PCDHA2: variants seen among roughly 807,000 people sequenced by gnomAD.
The protein encoded by PCDHA2 is protocadherin alpha 2.
Under a neutral mutation model 66.0 loss-of-function variants are expected in PCDHA2, and 58 were observed. The observed-to-expected ratio is 0.88, with a 90% CI of 0.71 to 1.09. The LOEUF (loss-of-function observed/expected upper bound fraction) is 1.09, where lower values mean the gene tolerates loss of function less well. Among genes scored for constraint, PCDHA2 ranks in the 50% least tolerant of loss-of-function variants. The probability of loss-of-function intolerance (pLI) is 0.00; values close to 1 mark genes in which losing one functional copy is unlikely to be tolerated. For synonymous variants in PCDHA2, 634 were observed against 554.0 expected (o/e 1.14, Z -2.03); for missense variants, 1,267 against 1,242.3 (o/e 1.02, Z -0.30).
chr5:140,805,687 A>G (rs1030164), intron 1 of PCDHA2: 393,383 of 736,282 alleles, frequency 0.53, 105,640 homozygotes, highest in African/African-American at 0.7. Context: ...TTCAAAGATC[A>G]TGATTACCAA....
chr5:140,843,387 C>A (rs2150358876), intron 1 of PCDHA2: 2 of 1,595,950 alleles, frequency 1.3e-6, no homozygotes, highest in East Asian at 4.5e-5. Context: ...GTTTTGGGTC[C>A]GGAAGCGGCG....
intron 1 of PCDHA2, among the ~76,000 whole-genome samples, chr5:140,954,160 A>G (rs1231258623): frequency 6.6e-6 from 1 of 152,188 alleles, no homozygotes; most frequent in Non-Finnish European, 1.5e-5. Flanking sequence ...TATATGTACC[A>G]CATTTTCTTT....
rs1422788962 is a variant in PCDHA2, at chr5:140,847,584, A to G, written c.2388+50232A>G. ...GCCCCGAGTACTAAGGATGAGCAAT[A>G]ATGAAATTAAAACATATTGTAATAA... On this transcript the variant is annotated intron_variant, in intron 1 of 3. Coordinates refer to ENST00000526136, the MANE Select transcript of PCDHA2 (RefSeq NM_018905.3). The G allele has an allele frequency of 1.1e-4, 16 of 149,668 alleles. No homozygotes were observed. In the Admixed American group the frequency reaches 1.1e-3, roughly 10 times the overall value. 9.3% of individuals were successfully genotyped at this position (149,668 alleles called of 1,614,324 possible).
intron 1 of PCDHA2, among the ~76,000 whole-genome samples, chr5:140,911,222 T>G (rs2075377398): frequency 6.6e-6 from 1 of 152,204 alleles, no homozygotes; most frequent in African/African-American, 2.4e-5. Flanking sequence ...ATGAGAAAGC[T>G]GTTTCTTCTG....
rs139450702 is a variant in PCDHA2 at position 140,830,109 on chromosome 5, G to A, written c.2388+32757G>A. The stretch of plus-strand genomic sequence containing the variant: ...GTTCTGGTGTCGCTGGTGGAGAGTG[G>A]CCAGGCTCCAAAGGCGTCATCACGG... On this transcript the variant is annotated intron_variant, in intron 1 of 3. Coordinates refer to ENST00000526136, the MANE Select transcript of PCDHA2 (RefSeq NM_018905.3). The A allele has an allele frequency of 4.0e-5, 65 of 1,613,456 alleles. No homozygotes were observed. The East Asian group carries it at 7.6e-4, about 19-fold the overall frequency.
chr5:140,842,398 A>T, intron 1 of PCDHA2: 1 of 1,611,514 alleles, frequency 6.2e-7, no homozygotes, highest in Admixed American at 1.7e-5. Flanking sequence ...CCTTGCCTGT[A>T]CGTGAAGACG....
intron 1 of PCDHA2, among the ~76,000 whole-genome samples, chr5:140,917,059 G>A (rs1174473146): frequency 6.6e-6 from 1 of 152,044 alleles, no homozygotes; most frequent in Non-Finnish European, 1.5e-5. Context: ...TCCCTGCTAC[G>A]ACAGCACCGA....
At chr5:140,829,915 G>A (rs2150177700) in intron 1 of PCDHA2, 2 of 1,613,890 alleles carry the variant, frequency 1.2e-6, no homozygotes, top group Non-Finnish European at 1.7e-6. Context: ...CGTGGCTTTC[G>A]TATGAGCTGC....
chr5:140,846,663 C>T lies in PCDHA2; in HGVS notation c.2388+49311C>T, dbSNP rs182609194. ...TGCTGGGATTACAGGCATGAGCCAC[C>T]GCGCCCAGCCTAAAATGCTTTCTTA... On this transcript the variant is annotated intron_variant, in intron 1 of 3. Transcript: ENST00000526136. 1.7e-3 allele frequency among the ~76,000 whole-genome samples: 253 copies of T among 149,206 alleles called. 23 individuals carry two copies. Among genetic ancestry groups the T allele is most frequent in the Middle Eastern group, 3.5e-3 (1 of 286 alleles).
chr5:140,840,327 C>T (rs1421494341), intron 1 of PCDHA2, among the ~76,000 whole-genome samples: 1 of 151,704 alleles, frequency 6.6e-6, no homozygotes, highest in East Asian at 1.9e-4. Flanking sequence ...GACTCATTTT[C>T]TAGGCAATGT....
intron 1 of PCDHA2, chr5:140,870,150 C>T (rs2051709522): frequency 6.2e-7 from 1 of 1,614,098 alleles, no homozygotes; most frequent in Non-Finnish European, 8.5e-7. Context: ...CTCCTGAAGT[C>T]GCCGTGACTT....
At chr5:140,937,878 C>G (rs2091818368) in intron 1 of PCDHA2, among the ~76,000 whole-genome samples, 1 of 150,504 alleles carries the variant, frequency 6.6e-6, no homozygotes, top group Admixed American at 6.6e-5. Context: ...CGCCACTGCA[C>G]TCCAGCCTGG....
In PCDHA2 at chr5:140,803,551, G is replaced by A. The variant is rs374412215; in HGVS notation, c.2388+6199G>A. 3.6e-5 allele frequency: 58 copies of A among 1,614,242 alleles called. No individual in the cohort carries two copies. The African/African-American group carries it at 4.8e-4, about 13-fold the overall frequency. ...CCTCCTTGTCCAATTAGCCGGGATAGAGAGGAGAAACAGGATGTGGACGTT... is the reference window on the plus strand; with the variant it reads ...CCTCCTTGTCCAATTAGCCGGGATAAAGAGGAGAAACAGGATGTGGACGTT... On this transcript the variant is annotated intron_variant, in intron 1 of 3. Transcript: ENST00000526136.
chr5:140,877,515 G>T (rs371100299), intron 1 of PCDHA2: 1 of 1,613,678 alleles, frequency 6.2e-7, no homozygotes, highest in African/African-American at 1.3e-5. Flanking sequence ...CGTCGTCGCG[G>T]GCCTCAGTGG....
intron 1 of PCDHA2, among the ~76,000 whole-genome samples, chr5:140,923,952 C>T (rs1313695833): frequency 5.9e-5 from 9 of 152,178 alleles, no homozygotes; most frequent in Non-Finnish European, 1.0e-4. Context: ...TTTCCTCACG[C>T]CCTAATCTAT....
chr5:140,956,585 T>G (rs1004549488), intron 1 of PCDHA2, among the ~76,000 whole-genome samples: 4 of 152,198 alleles, frequency 2.6e-5, no homozygotes, highest in Non-Finnish European at 5.9e-5. Flanking sequence ...CATTGATGCT[T>G]ATCAGGGATA....
rs190430510 is a variant in PCDHA2, at chr5:140,858,745, C to G, written c.2388+61393C>G. ...TTCTGACGATTTACTTTCATAATCACTTTTCGTTACAAATATTTGTGAGAT... is the reference window on the plus strand; with the variant it reads ...TTCTGACGATTTACTTTCATAATCAGTTTTCGTTACAAATATTTGTGAGAT... On this transcript the variant is annotated intron_variant, in intron 1 of 3. Coordinates refer to ENST00000526136, the MANE Select transcript of PCDHA2 (RefSeq NM_018905.3). 215 of 461,666 alleles carry G rather than the reference C, an allele frequency of 4.7e-4. 2 individuals are homozygous for G. In the East Asian group the frequency reaches 5.3e-3, roughly 11 times the overall value. The allele number at this position is 461,666 out of a possible 1,614,324, so 28.6% of individuals were successfully genotyped here.
intron 3 of PCDHA2, among the ~76,000 whole-genome samples, chr5:140,994,883 A>G (rs1197020328): frequency 2.6e-5 from 4 of 152,222 alleles, no homozygotes; most frequent in Non-Finnish European, 5.9e-5. Context: ...AAGAGATGTT[A>G]GGAAATGAGA....
intron 1 of PCDHA2, chr5:140,882,561 G>T (rs2059195927): frequency 1.2e-6 from 2 of 1,614,222 alleles, no homozygotes; most frequent in East Asian, 4.5e-5. Context: ...CTGTGTGGGC[G>T]GAGCGCGGAG....
Sources: gnomAD v4.1 joint callset for allele counts (sites outside exome capture counted in the v4.1 genomes callset) on GRCh38, gnomAD v4.1.1 for gene constraint, MANE v1.5 for transcripts, NCBI Gene and HGNC (gene_info 2026-07-23, HGNC 2026-07-21) for gene names.